The following KLRD1 variants were observed in gnomAD, a reference collection of about 807,000 sequenced individuals.
KLRD1 encodes the protein killer cell lectin like receptor D1.
KLRD1 carries 21 observed loss-of-function variants against 22.6 expected under a neutral mutation model. The observed-to-expected ratio is 0.93, with a 90% CI of 0.66 to 1.34. The LOEUF (loss-of-function observed/expected upper bound fraction) is 1.34, where lower values mean the gene tolerates loss of function less well. KLRD1 is among the 40% of genes most tolerant of loss of function. KLRD1 has a pLI of 0.00. For synonymous variants in KLRD1, 59 were observed against 71.1 expected (o/e 0.83, Z 0.85); for missense variants, 183 against 208.6 (o/e 0.88, Z 0.76).
intron 1 of KLRD1, among the ~76,000 whole-genome samples, chr12:10,274,289 T>A (rs546919237): frequency 3.7e-4 from 56 of 151,252 alleles, no homozygotes; most frequent in Admixed American, 2.2e-3. Context: ...CAAAAAAAAA[T>A]TTTTTTTTAA....
intron 4 of KLRD1, among the ~76,000 whole-genome samples, chr12:10,312,711 C>T (rs1055863965): frequency 6.7e-5 from 10 of 149,644 alleles, no homozygotes; most frequent in South Asian, 6.6e-4. Flanking sequence ...AAAGTGCGGC[C>T]GGGCGCAGTG....
At chr12:10,286,630 C>T (rs11613226) in intron 1 of KLRD1, among the ~76,000 whole-genome samples, 24,225 of 104,158 alleles carry the variant, frequency 0.23, 2,573 homozygotes, top group Middle Eastern at 0.35. Flanking sequence ...GCAAAATAGT[C>T]TTTGAATCAT....
rs146956071 is a variant in KLRD1 at position 10,298,801 on chromosome 12, A to G, written c.-100-9177A>G. ...AATACTTTCAGTTAATCTATAATCT[A>G]TAGAAACAATGCTTATCACTGGCTT... On this transcript the variant is annotated intron_variant, in intron 1 of 5. Coordinates refer to the KLRD1 transcript ENST00000544747. Among the ~76,000 whole-genome samples the G allele has an allele frequency of 3.6e-3, 549 of 152,330 alleles. 12 individuals carry two copies. In the East Asian group the frequency reaches 0.046, roughly 13 times the overall value.
At chr12:10,249,332 A>G (rs1329979791) in intron 1 of KLRD1, among the ~76,000 whole-genome samples, 1 of 152,188 alleles carries the variant, frequency 6.6e-6, no homozygotes. Context: ...CAAAGGAGAA[A>G]CAGTATTGAA....
Position 10,327,745 on chromosome 12 carries a change from G to C in KLRD1, c.*12952G>C, listed in dbSNP as rs754731266. On this transcript the variant is annotated 3_prime_UTR_variant, in exon 6 of 6. Transcript: ENST00000336164. ...GTGCAAACATCCTTGCCATGTTTCTGATGTCAGAGGAAAAGTTCAGCTTTT... is the reference window on the plus strand; with the variant it reads ...GTGCAAACATCCTTGCCATGTTTCTCATGTCAGAGGAAAAGTTCAGCTTTT... The C allele has an allele frequency of 1.3e-5, 2 of 152,136 alleles. No homozygotes were observed. Among genetic ancestry groups the C allele is most frequent in the African/African-American group, 2.4e-5 (1 of 41,428 alleles). The allele number at this position is 152,136 out of a possible 1,614,324, so 9.4% of individuals were successfully genotyped here. A position where few individuals can be genotyped will look rare whatever the true frequency, so the allele number is the denominator to read the frequency against.
At chr12:10,240,965 T>C (rs1475035038) in intron 1 of KLRD1, among the ~76,000 whole-genome samples, 1 of 152,200 alleles carries the variant, frequency 6.6e-6, no homozygotes, top group African/African-American at 2.4e-5. Context: ...TCTTCTTTTT[T>C]CTATATATAT....
intron 1 of KLRD1, among the ~76,000 whole-genome samples, chr12:10,250,201 CTTTTTTTTTTTT>C (rs137861212): frequency 1.1e-5 from 1 of 94,566 alleles, no homozygotes. Flanking sequence ...TAACGTTTTG[CTTTTTTTTTTTT>C]TTTTTTTTTT....
intron 1 of KLRD1, among the ~76,000 whole-genome samples, chr12:10,252,528 C>A (rs1262160331): frequency 1.3e-5 from 2 of 151,860 alleles, no homozygotes; most frequent in East Asian, 3.9e-4. Context: ...ACAAACAAAC[C>A]CCACCACATT....
chr12:10,261,504 A>G (rs1029145192), intron 1 of KLRD1, among the ~76,000 whole-genome samples: 1 of 152,158 alleles, frequency 6.6e-6, no homozygotes, highest in Admixed American at 6.5e-5. Context: ...AGTCCTTATG[A>G]AGAGCTATTA....
chr12:10,249,177 G>A (rs141222875), intron 1 of KLRD1, among the ~76,000 whole-genome samples: 1 of 152,220 alleles, frequency 6.6e-6, no homozygotes, highest in East Asian at 1.9e-4. Context: ...CGGTGGGGGA[G>A]ATTCTAAATT....
chr12:10,301,718 C>T (rs753495966), upstream of KLRD1, among the ~76,000 whole-genome samples: 9 of 152,154 alleles, frequency 5.9e-5, no homozygotes, highest in Non-Finnish European at 1.0e-4. Context: ...TTAAAATTGC[C>T]TTCTAAGACA....
At chr12:10,289,390 A>G (rs1294655199) in intron 1 of KLRD1, among the ~76,000 whole-genome samples, 4 of 152,216 alleles carry the variant, frequency 2.6e-5, no homozygotes, top group Non-Finnish European at 4.4e-5. Flanking sequence ...AAATTTTGAA[A>G]CGAGTTATGT....
chr12:10,314,525 A>G (rs1171193374), intron 5 of KLRD1, 148 bp from the exon 6 acceptor site: 1 of 566,882 alleles, frequency 1.8e-6, no homozygotes, highest in Admixed American at 4.1e-5. Flanking sequence ...CTAGAAAATC[A>G]TGAAAATTGT....
At chr12:10,251,845 G>A (rs934617133) in intron 1 of KLRD1, among the ~76,000 whole-genome samples, 1 of 152,124 alleles carries the variant, frequency 6.6e-6, no homozygotes, top group Non-Finnish European at 1.5e-5. Flanking sequence ...CTGACAGGAA[G>A]CAGAGCTCTG....
In KLRD1 at chr12:10,312,153, A is replaced by G. The variant is rs182724944; in HGVS notation, c.315+538A>G. Among the ~76,000 whole-genome samples, 1,345 of 148,264 alleles carry G rather than the reference A, an allele frequency of 9.1e-3. 82 individuals are homozygous for G. The highest frequency in any genetic ancestry group is 0.082 in the Admixed American group (1,211 of 14,806). ...CTGCAGCCTCCACCTCCTGGGTTCA[A>G]GTGATTCTCCTGCCTCAGCCTCCTG... On this transcript the variant is annotated intron_variant, in intron 4 of 5. Transcript: ENST00000336164.
chr12:10,287,795 C>T (rs538821535), intron 1 of KLRD1, among the ~76,000 whole-genome samples: 5 of 152,060 alleles, frequency 3.3e-5, no homozygotes, highest in East Asian at 1.9e-4. Context: ...TCAGGCCAGG[C>T]GCAGTGGCTC....
rs201158757 is a variant in KLRD1 at position 10,278,987 on chromosome 12, GT to G, written c.-100-28976del. Reference sequence around the variant, plus strand: ...TTTTTGTAAAAACATGTTAGCATCAGTTTTTTTTTTTTTTTAATTTTAGGTT... The same window carrying G: ...TTTTTGTAAAAACATGTTAGCATCAGTTTTTTTTTTTTTTAATTTTAGGTT... On this transcript the variant is annotated intron_variant, in intron 1 of 5. Transcript: ENST00000544747. Among the ~76,000 whole-genome samples the G allele has an allele frequency of 6.2e-3, 794 of 128,338 alleles. 17 individuals carry two copies. In the East Asian group the frequency reaches 0.078, roughly 13 times the overall value. 84.2% of individuals were successfully genotyped at this position (128,338 alleles called of 152,430 possible).
At chr12:10,246,458 A>G (rs1326935436) in intron 1 of KLRD1, among the ~76,000 whole-genome samples, 1 of 152,186 alleles carries the variant, frequency 6.6e-6, no homozygotes, top group African/African-American at 2.4e-5. Context: ...ACAGTTCAGA[A>G]TTATCCTCTT....
upstream of KLRD1, among the ~76,000 whole-genome samples, chr12:10,306,582 G>A (rs1017000330): frequency 1.1e-4 from 17 of 152,074 alleles, no homozygotes; most frequent in East Asian, 3.3e-3. Context: ...TTTTACATGG[G>A]GGAAAAATAG....
Sources: allele counts gnomAD v4.1 joint callset (sites outside exome capture counted in the v4.1 genomes callset), GRCh38; gene constraint gnomAD v4.1.1; transcripts MANE v1.5; gene names NCBI Gene and HGNC (gene_info 2026-07-23, HGNC 2026-07-21).